The following LSP1 variants were observed in gnomAD, a reference collection of about 807,000 sequenced individuals.
The protein encoded by LSP1 is lymphocyte-specific protein 1.
LSP1 carries 32 observed loss-of-function variants against 49.3 expected under a neutral mutation model. The observed-to-expected ratio is 0.65, with a 90% CI of 0.49 to 0.87. The LOEUF is 0.87. LSP1 is among the 40% of genes least tolerant of loss of function. The pLI is 0.00. For missense variants in LSP1, 428 were observed against 442.6 expected (o/e 0.97, Z 0.30); for synonymous variants, 179 against 178.8 (o/e 1.00, Z -0.01).
intron 10 of LSP1, chr11:1,889,023 C>A: frequency 1.8e-6 from 1 of 568,672 alleles, no homozygotes; most frequent in South Asian, 2.1e-5. Context: ...GGCTGCCCTG[C>A]ACCCCATGCC....
chr11:1,872,310 G>A lies in LSP1; in HGVS notation c.54-7777G>A, dbSNP rs1373666815. Among the ~76,000 whole-genome samples the A allele has an allele frequency of 4.4e-5, 6 of 136,854 alleles. 2 individuals carry two copies. Among genetic ancestry groups the A allele is most frequent in the Non-Finnish European group, 9.4e-5 (6 of 63,848 alleles). The allele number at this position is 136,854 out of a possible 152,430, so 89.8% of individuals were successfully genotyped here. Reference sequence around the variant, plus strand: ...TGGGCACCTTTGGGACGGGGTCTCTGTGGTGGGCAGGCCTGGGCTGTAGTC... The same window carrying A: ...TGGGCACCTTTGGGACGGGGTCTCTATGGTGGGCAGGCCTGGGCTGTAGTC... On this transcript the variant is annotated intron_variant, in intron 1 of 10. Transcript: ENST00000311604.
At chr11:1,874,657 C>T (rs376972742) in intron 1 of LSP1, among the ~76,000 whole-genome samples, 9 of 152,076 alleles carry the variant, frequency 5.9e-5, no homozygotes, top group African/African-American at 1.7e-4. Context: ...AGGGAGGCGC[C>T]GGGAGGGGCC....
At chr11:1,854,239 C>A (rs1847431967) in intron 1 of LSP1, among the ~76,000 whole-genome samples, 1 of 152,108 alleles carries the variant, frequency 6.6e-6, no homozygotes, top group Non-Finnish European at 1.5e-5. Flanking sequence ...GGCGCTGGGG[C>A]CCAGGTTGCA....
chr11:1,883,508 A>G lies in LSP1; in HGVS notation c.446A>G (p.Asp149Gly). ...AGCAAGGAGGGGCCAGGCCCAGAGGACACTGTCCAGGACAACCTGGGGGCC... is the reference window on the plus strand; with the variant it reads ...AGCAAGGAGGGGCCAGGCCCAGAGGGCACTGTCCAGGACAACCTGGGGGCC... ...SLSKEGPGPE[D>G]TVQDNLGAAG... The change falls in exon 4 of 11, where the codon GAC (aspartate) becomes GGC (glycine). Residue 149 changes from aspartate to glycine, a missense_variant. By Grantham distance (94) the Asp-to-Gly change is moderately conservative. Transcript: ENST00000311604. The G allele has an allele frequency of 6.2e-7, 1 of 1,613,882 alleles. No homozygotes were observed. Among genetic ancestry groups the G allele is most frequent in the Non-Finnish European group, 8.5e-7 (1 of 1,179,994 alleles).
chr11:1,866,474 G>C (rs1847792352), intron 1 of LSP1: 1 of 1,475,954 alleles, frequency 6.8e-7, no homozygotes, highest in African/African-American at 1.4e-5. Context: ...GATGCAGAGA[G>C]ATGGCTCCGA....
chr11:1,876,198 G>A (rs939058302), intron 1 of LSP1, among the ~76,000 whole-genome samples: 3 of 152,168 alleles, frequency 2.0e-5, no homozygotes, highest in Non-Finnish European at 2.9e-5. Context: ...GGGCCCCTGT[G>A]GGCACCTTTT....
Position 1,884,397 on chromosome 11 carries a change from A to C in LSP1, c.635+74A>C. ...CCAAGTGGGGGTTGAAGGGAGTCAC[A>C]AGGTAGAGATCTGGAGACCGAGGGG... On this transcript the variant is annotated intron_variant, in intron 6 of 10. Transcript: ENST00000311604. This position sits in a 1 kb window ranked among gnomAD's most constrained non-coding sequence, Gnocchi z 4.1. 1 of 1,610,342 alleles carries C rather than the reference A, an allele frequency of 6.2e-7. No individual in the cohort carries two copies. Among genetic ancestry groups the C allele is most frequent in the South Asian group, 1.1e-5 (1 of 91,010 alleles).
chr11:1,883,927 T>C lies in LSP1; in HGVS notation c.499-5T>C, dbSNP rs79006227. Reference sequence around the variant, plus strand: ...CACTTGGGATGTCTGTTTTTTTTTTTCTAGCACCAGAAATGTCAGCAGCCC... The same window carrying C: ...CACTTGGGATGTCTGTTTTTTTTTTCCTAGCACCAGAAATGTCAGCAGCCC... On this transcript the variant is annotated splice_polypyrimidine_tract_variant and splice_region_variant and intron_variant, in intron 4 of 10. Coordinates refer to ENST00000311604, the MANE Select transcript of LSP1 (RefSeq NM_002339.3). 1.3e-6 allele frequency: 2 copies of C among 1,596,496 alleles called. No homozygotes were observed. Among genetic ancestry groups the C allele is most frequent in the African/African-American group, 1.4e-5 (1 of 73,622 alleles).
chr11:1,855,933 G>T (rs1240239223), intron 1 of LSP1, among the ~76,000 whole-genome samples: 6 of 152,220 alleles, frequency 3.9e-5, no homozygotes, highest in African/African-American at 1.4e-4. Flanking sequence ...CACAGCTGGG[G>T]AGGGTCAGGT....
chr11:1,877,033 A>G (rs1848339523), intron 1 of LSP1, among the ~76,000 whole-genome samples: 1 of 152,332 alleles, frequency 6.6e-6, no homozygotes, highest in East Asian at 1.9e-4. Flanking sequence ...GCATTTGTGC[A>G]GGAACACCAA....
chr11:1,865,163 G>T, intron 1 of LSP1: 1 of 985,710 alleles, frequency 1.0e-6, no homozygotes, highest in Non-Finnish European at 1.2e-6. Context: ...CCCCGGGGCT[G>T]GGGTCAGGCC....
chr11:1,877,479 G>A (rs191498072), intron 1 of LSP1, among the ~76,000 whole-genome samples: 26 of 152,284 alleles, frequency 1.7e-4, no homozygotes, highest in Non-Finnish European at 3.4e-4. Context: ...CAGTCGGAGT[G>A]ATCCTCCAGG....
At chr11:1,890,388 A>G (rs936942628) in intron 10 of LSP1, 6 of 716,804 alleles carry the variant, frequency 8.4e-6, no homozygotes, top group Non-Finnish European at 1.3e-5. Flanking sequence ...CACGGGGGAC[A>G]GGGAGGTGCG....
chr11:1,875,654 G>T (rs1306421792), intron 1 of LSP1, among the ~76,000 whole-genome samples: 2 of 152,350 alleles, frequency 1.3e-5, no homozygotes, highest in East Asian at 3.9e-4. Context: ...ACAAGGAAAG[G>T]GGTTGACCCC....
Position 1,853,171 on chromosome 11 carries a change from T to A in LSP1, c.27T>A (p.Gly9=), listed in dbSNP as rs1223881166. 1.9e-6 allele frequency: 3 copies of A among 1,611,242 alleles called. No individual in the cohort carries two copies. The highest frequency in any genetic ancestry group is 2.7e-5 in the African/African-American group (2 of 74,866). The change falls in exon 1 of 11, where the codon GGT becomes GGA. Residue 9 remains glycine, a synonymous_variant. Transcript: ENST00000311604. ...TGGCGGAGGCTTCGAGTGACCCGGG[T>A]GCCGAGGAGCGGGAAGAGTTGCTGG... The part of the protein sequence containing the change: MAEASSDP[G]AEEREELLGP...
At chr11:1,872,669 T>G (rs1463418580) in intron 1 of LSP1, among the ~76,000 whole-genome samples, 3 of 144,660 alleles carry the variant, frequency 2.1e-5, no homozygotes, top group Non-Finnish European at 3.0e-5. Flanking sequence ...GTGGGCACCT[T>G]TGGGAGGGGG....
chr11:1,869,559 A>G (rs1847906174), intron 1 of LSP1: 2 of 452,504 alleles, frequency 4.4e-6, no homozygotes, highest in Non-Finnish European at 9.3e-6. Flanking sequence ...CTTGCCGCCG[A>G]CCCCAGGTGT....
At chr11:1,856,928 C>T (rs1343148504) in intron 1 of LSP1, among the ~76,000 whole-genome samples, 1 of 152,232 alleles carries the variant, frequency 6.6e-6, no homozygotes, top group Non-Finnish European at 1.5e-5. Flanking sequence ...ACCTCAGCCC[C>T]AGCCCTAGCC....
chr11:1,871,045 C>A lies in LSP1; in HGVS notation c.54-9042C>A, dbSNP rs988418253. 13 of 985,468 alleles carry A rather than the reference C, an allele frequency of 1.3e-5. No individual in the cohort carries two copies. In the Admixed American group the frequency reaches 3.1e-4, roughly 23 times the overall value. The allele number at this position is 985,468 out of a possible 1,614,324, so 61.0% of individuals were successfully genotyped here. A position where few individuals can be genotyped will look rare whatever the true frequency, so the allele number is the denominator to read the frequency against. On this transcript the variant is annotated intron_variant, in intron 1 of 10. Transcript: ENST00000311604. ...GAGTGGGGCTGCATGTAGACGCATG[C>A]GAGGGTGAGAGCTGCGGCGGAGGAC...
Sources: allele counts gnomAD v4.1 joint callset (sites outside exome capture counted in the v4.1 genomes callset), GRCh38; gene constraint gnomAD v4.1.1; non-coding constraint Gnocchi (gnomAD v3.1); transcripts MANE v1.5; gene names NCBI Gene and HGNC (gene_info 2026-07-23, HGNC 2026-07-21).